CR1: variants seen among roughly 807,000 people sequenced by gnomAD.
CR1 encodes complement receptor type 1.
A neutral mutation model predicts 187.3 loss-of-function variants in CR1; 116 were observed. The ratio of observed to expected loss-of-function variants is 0.62; its 90% CI spans 0.53 to 0.72. The LOEUF (loss-of-function observed/expected upper bound fraction) is 0.72. Among genes scored for constraint, CR1 ranks in the 30% least tolerant of loss-of-function variants. The probability of loss-of-function intolerance (pLI) is 0.00; values close to 1 mark genes in which losing one functional copy is unlikely to be tolerated. For synonymous variants in CR1, 576 were observed against 747.1 expected (o/e 0.77, Z 3.73); for missense variants, 1,731 against 2,110.7 (o/e 0.82, Z 3.52).
chr1:207,518,222 A>C (rs929962149), intron 4 of CR1, among the ~76,000 whole-genome samples: 2 of 152,158 alleles, frequency 1.3e-5, no homozygotes, highest in African/African-American at 4.8e-5. Context: ...TTAGAAGGGC[A>C]TTGCTTAATT....
chr1:207,605,594 G>A (rs1227241090), intron 35 of CR1, among the ~76,000 whole-genome samples: 1 of 152,096 alleles, frequency 6.6e-6, no homozygotes, highest in Admixed American at 6.6e-5. Flanking sequence ...CTTAGTCACA[G>A]CGAGCACATC....
chr1:207,564,366 G>A lies in CR1; in HGVS notation c.3866+132G>A, dbSNP rs536911669. 362 of 1,263,554 alleles carry A rather than the reference G, an allele frequency of 2.9e-4. 5 individuals carry two copies. In the South Asian group the frequency reaches 4.3e-3, roughly 15 times the overall value. The allele number at this position is 1,263,554 out of a possible 1,614,324, so 78.3% of individuals were successfully genotyped here. A position where few individuals can be genotyped will look rare whatever the true frequency, so the allele number is the denominator to read the frequency against. ...CACACCTTCAGAGAGATGAACTTTC[G>A]AAAGTATACCTAGGAAGAAAGGAAA... On this transcript the variant is annotated intron_variant, in intron 23 of 46. Coordinates refer to ENST00000367049, the MANE Select transcript of CR1 (RefSeq NM_000651.6).
Position 207,587,457 on chromosome 1 carries a change from G to C in CR1, c.5602G>C (p.Val1868Leu). The change falls in exon 34 of 47, where the codon GTC becomes CTC. Residue 1868 changes from valine to leucine, a missense_variant. By Grantham distance (32) the Val-to-Leu change is conservative. Around this residue, in one of 5 missense-constraint regions of CR1, gnomAD observed 1,312 missense variants for 1,379.6 expected, o/e 0.95. Transcript: ENST00000367049. ...TIPINDFEFP[V>L]GTSLNYECRP... ...CCCAATTAATGACTTTGAGTTTCCA[G>C]TCGGGACATCTTTGAATTATGAATG... 1 of 1,613,952 alleles carries C rather than the reference G, an allele frequency of 6.2e-7. No homozygotes were observed. Among genetic ancestry groups the C allele is most frequent in the Non-Finnish European group, 8.5e-7 (1 of 1,179,814 alleles).
At chr1:207,497,115 C>T (rs542873885) in intron 1 of CR1, among the ~76,000 whole-genome samples, 1 of 152,316 alleles carries the variant, frequency 6.6e-6, no homozygotes, top group South Asian at 2.1e-4. Context: ...AGATGCATGC[C>T]AGGCACTTGC....
intron 4 of CR1, 125 bp from the exon 5 acceptor site, chr1:207,523,486 T>A: frequency 6.8e-7 from 1 of 1,478,552 alleles, no homozygotes; most frequent in Non-Finnish European, 9.1e-7. Context: ...AAAATGTACC[T>A]ATGTGTTAGC....
intron 45 of CR1, among the ~76,000 whole-genome samples, chr1:207,628,299 T>A (rs568236217): frequency 1.3e-5 from 2 of 152,278 alleles, no homozygotes; most frequent in East Asian, 3.9e-4. Context: ...TGGACTATGA[T>A]CCCCTGTGAG....
At chr1:207,595,572 G>A (rs1425436439) in intron 35 of CR1, among the ~76,000 whole-genome samples, 6 of 152,046 alleles carry the variant, frequency 3.9e-5, no homozygotes, top group Non-Finnish European at 8.8e-5. Context: ...AGGAAATATT[G>A]TACAATAAAA....
At chr1:207,587,702 C>T (rs1661154178) in intron 34 of CR1, 137 bp downstream of exon 34, 3 of 703,202 alleles carry the variant, frequency 4.3e-6, no homozygotes, top group Non-Finnish European at 6.8e-6. Context: ...AGTTCGCAAC[C>T]AGCCTGGGCA....
At chr1:207,519,315 T>C (rs1571513164) in intron 4 of CR1, among the ~76,000 whole-genome samples, 1 of 151,836 alleles carries the variant, frequency 6.6e-6, no homozygotes, top group South Asian at 2.1e-4. Flanking sequence ...AAATTAAAAA[T>C]AAATAAATTT....
intron 1 of CR1, among the ~76,000 whole-genome samples, chr1:207,504,225 TA>T (rs1408843846): frequency 2.6e-5 from 4 of 152,228 alleles, no homozygotes; most frequent in Non-Finnish European, 5.9e-5. Context: ...GACTACTGTA[TA>T]TTCAAAATAA....
intron 33 of CR1, among the ~76,000 whole-genome samples, chr1:207,585,458 GA>G (rs1661085676): frequency 6.6e-6 from 1 of 152,198 alleles, no homozygotes; most frequent in Admixed American, 6.5e-5. Context: ...AAGAAGCAAG[GA>G]AAGAGTAGCC....
Position 207,575,660 on chromosome 1 carries a change from C to A in CR1, c.4517C>A (p.Thr1506Lys), listed in dbSNP as rs746467906. ...TCAGGCAATACTGCCCATTGGAGCA[C>A]GAAGCCGCCAATTTGTCAACGTGAG... ...ILSGNTAHWS[T>K]KPPICQRIPC... Residue 1506 changes from threonine to lysine, a missense_variant, in exon 28 of 47, where the codon ACG becomes AAG. Thr to Lys is a moderately conservative substitution (Grantham distance 78). Around this residue, in one of 5 missense-constraint regions of CR1, gnomAD observed 1,312 missense variants for 1,379.6 expected, o/e 0.95. Coordinates refer to ENST00000367049, the MANE Select transcript of CR1 (RefSeq NM_000651.6). The A allele has an allele frequency of 2.5e-6, 4 of 1,611,786 alleles. No homozygotes were observed. In the South Asian group the frequency reaches 3.3e-5, roughly 13 times the overall value.
intron 40 of CR1, among the ~76,000 whole-genome samples, chr1:207,615,423 G>A (rs1428353658): frequency 1.3e-5 from 2 of 152,200 alleles, no homozygotes; most frequent in Non-Finnish European, 2.9e-5. Flanking sequence ...TTAGTACGAT[G>A]GAAGGAGCTG....
chr1:207,579,010 A>G (rs1282574196), intron 29 of CR1, among the ~76,000 whole-genome samples: 1 of 152,230 alleles, frequency 6.6e-6, no homozygotes, highest in East Asian at 1.9e-4. Flanking sequence ...AGTCTAAGTC[A>G]AGAGTGAAAG....
Position 207,515,182 on chromosome 1 carries a change from T to TATATACGTATATATACATATAC in CR1, c.487+3531_487+3532insTACGTATATATACATATACATA, listed in dbSNP as rs1553287861. Among the ~76,000 whole-genome samples, 47 of 83,008 alleles carry TATATACGTATATATACATATAC rather than the reference T, an allele frequency of 5.7e-4. 1 individual carries two copies. The highest frequency in any genetic ancestry group is 2.6e-3 in the Admixed American group (20 of 7,752). 54.5% of individuals were successfully genotyped at this position (83,008 alleles called of 152,430 possible). A position where few individuals can be genotyped will look rare whatever the true frequency, so the allele number is the denominator to read the frequency against. On this transcript the variant is annotated intron_variant, in intron 4 of 46. Transcript: ENST00000367049. ...ATATACATATATAGGTATATACATA[T>TATATACGTATATATACATATAC]ATACGTATATATACATATACATATA...
chr1:207,619,048 A>G (rs1249680247), intron 42 of CR1, among the ~76,000 whole-genome samples: 10 of 137,328 alleles, frequency 7.3e-5, no homozygotes, highest in Non-Finnish European at 1.6e-4. Flanking sequence ...AAAAAAAAAA[A>G]AAAAAAAGAA....
Position 207,524,028 on chromosome 1 carries a change from T to C in CR1, c.886+19T>C, listed in dbSNP as rs760982728. ...TCCAGGGGTGAGTCTGACTGAGGCC[T>C]AGAAGGGCCCTGCCAGTGACATGCG... is the stretch of plus-strand genomic sequence containing the variant. On this transcript the variant is annotated intron_variant, in intron 5 of 46. Transcript: ENST00000367049. 1.9e-6 allele frequency: 3 copies of C among 1,611,722 alleles called. No homozygotes were observed. The highest frequency in any genetic ancestry group is 2.5e-6 in the Non-Finnish European group (3 of 1,179,714).
At chr1:207,497,213 T>C (rs1558207240) in intron 1 of CR1, among the ~76,000 whole-genome samples, 1 of 152,246 alleles carries the variant, frequency 6.6e-6, no homozygotes, top group Non-Finnish European at 1.5e-5. Flanking sequence ...GTTCGCATTT[T>C]AGTGATGTGT....
intron 44 of CR1, 76 bp downstream of exon 44, chr1:207,622,072 T>A: frequency 8.3e-7 from 1 of 1,205,376 alleles, no homozygotes; most frequent in East Asian, 2.5e-5. Flanking sequence ...GAATGAAATG[T>A]AAAAAGAGAG....
Sources: allele counts gnomAD v4.1 joint callset (sites outside exome capture counted in the v4.1 genomes callset), GRCh38; gene constraint gnomAD v4.1.1; regional missense constraint gnomAD v4.1.1; transcripts MANE v1.5; gene names NCBI Gene and HGNC (gene_info 2026-07-23, HGNC 2026-07-21).